Variants in KLRG2 observed in about 807,000 individuals in gnomAD.
KLRG2 encodes killer cell lectin-like receptor subfamily G member 2.
Under a neutral mutation model 35.4 loss-of-function variants are expected in KLRG2, and 39 were observed. That is an observed-to-expected ratio of 1.10 (90% CI 0.85 to 1.44). The LOEUF is 1.44. KLRG2 is among the 40% of genes most tolerant of loss of function. KLRG2 has a pLI of 0.00. For missense variants in KLRG2, 632 were observed against 570.9 expected, an observed-to-expected ratio of 1.11 and a Z score of -1.09; for synonymous variants, 283 against 265.8, an observed-to-expected ratio of 1.06 and a Z score of -0.63.
intron 2 of KLRG2, 91 bp from the exon 3 acceptor site, chr7:139,479,863 C>A: frequency 7.1e-7 from 1 of 1,408,566 alleles, no homozygotes; most frequent in Non-Finnish European, 9.6e-7. Context: ...GGGCATGGAA[C>A]TGGCAAACCT....
rs1468288138 is a variant in KLRG2 at position 139,479,780 on chromosome 7, C to T, written c.860-8G>A. On this transcript the variant is annotated splice_region_variant and splice_polypyrimidine_tract_variant and intron_variant, in intron 2 of 4. Transcript: ENST00000340940. ...ACTGCTGGCATCTGGCTCCTGCAAGCACAGAGACTGCTGGTGAGCTGCAGG... is the reference window on the plus strand; with the variant it reads ...ACTGCTGGCATCTGGCTCCTGCAAGTACAGAGACTGCTGGTGAGCTGCAGG... 1 of 1,612,326 alleles carries T rather than the reference C, an allele frequency of 6.2e-7. No homozygotes were observed. The highest frequency in any genetic ancestry group is 8.5e-7 in the Non-Finnish European group (1 of 1,179,168).
chr7:139,430,721 T>C, the KLRG2 span, among the ~76,000 whole-genome samples: 4 of 151,962 alleles, frequency 2.6e-5, no homozygotes, highest in African/African-American at 9.7e-5. Flanking sequence ...AGAAAGCAGA[T>C]AAACAGGCCA....
chr7:139,468,960 GCACAGGATTGCCATGTGAGGA>G (rs1796712801), intron 3 of KLRG2, among the ~76,000 whole-genome samples: 1 of 152,166 alleles, frequency 6.6e-6, no homozygotes, highest in South Asian at 2.1e-4. Flanking sequence ...AGATGGGAGG[GCACAGGATTGCCATGTGAGGA>G]CACAGGGAGA....
the KLRG2 span, among the ~76,000 whole-genome samples, chr7:139,439,642 C>A: frequency 6.6e-6 from 1 of 152,252 alleles, no homozygotes; most frequent in Non-Finnish European, 1.5e-5. Flanking sequence ...TTCCCTGCTT[C>A]CTCCCCAATT....
the KLRG2 span, among the ~76,000 whole-genome samples, chr7:139,440,322 GT>G: frequency 8.0e-6 from 1 of 125,202 alleles, no homozygotes; most frequent in Non-Finnish European, 1.6e-5. Context: ...ATCTCCCTAT[GT>G]TGCCCAGGCT....
In KLRG2 at chr7:139,462,008, C is replaced by T. The variant is rs143608273; in HGVS notation, c.1006-7794G>A. ...AAATTGGATAAGCGGCCTCTTTTTA[C>T]GCTTTTCTCCAACCTCTCTCACTAT... is the stretch of plus-strand genomic sequence containing the variant. On this transcript the variant is annotated intron_variant, in intron 3 of 4. Coordinates refer to ENST00000340940, the MANE Select transcript of KLRG2 (RefSeq NM_198508.4). 2.5e-3 allele frequency among the ~76,000 whole-genome samples: 383 copies of T among 152,310 alleles called. 1 individual carries two copies. Among genetic ancestry groups the T allele is most frequent in the African/African-American group, 8.5e-3 (355 of 41,566 alleles).
At position 139,480,222 on chromosome 7, in the gene KLRG2, C is replaced by T. The variant is rs754933783; in HGVS notation, c.783G>A (p.Leu261=). Reference sequence around the variant, plus strand: ...CAGCCATGAACGCCAGGGCCCAGTACAGGGACTTCACGTACATGGGTAGCC... The same window carrying T: ...CAGCCATGAACGCCAGGGCCCAGTATAGGGACTTCACGTACATGGGTAGCC... ...LTGLPMYVKS[L]YWALAFMAVL... The change falls in exon 2 of 5, where the codon CTG becomes CTA. Residue 261 remains leucine, a synonymous_variant. Transcript: ENST00000340940. The T allele has an allele frequency of 1.1e-5, 17 of 1,612,366 alleles. No individual in the cohort carries two copies. The South Asian group carries it at 1.8e-4, about 17-fold the overall frequency.
At chr7:139,438,940 C>T in the KLRG2 span, among the ~76,000 whole-genome samples, 4 of 138,580 alleles carry the variant, frequency 2.9e-5, no homozygotes, top group East Asian at 2.6e-4. Context: ...CACCCCGCCC[C>T]GCCTCGGCCT....
chr7:139,448,324 C>T (rs2116411748), downstream of KLRG2, among the ~76,000 whole-genome samples: 1 of 152,256 alleles, frequency 6.6e-6, no homozygotes, highest in African/African-American at 2.4e-5. Context: ...AAAACCTCCT[C>T]TTTGTTCTTT....
intron 3 of KLRG2, among the ~76,000 whole-genome samples, chr7:139,454,838 AATAATAATAATAAT>A (rs950703098): frequency 2.9e-4 from 23 of 78,380 alleles, no homozygotes; most frequent in South Asian, 1.5e-3. Context: ...TAATAATAAT[AATAATAATAATAAT>A]AATAATAATA....
intron 3 of KLRG2, among the ~76,000 whole-genome samples, chr7:139,472,432 AG>A (rs1796773184): frequency 6.6e-6 from 1 of 152,072 alleles, no homozygotes; most frequent in Non-Finnish European, 1.5e-5. Flanking sequence ...AAAAATAGAA[AG>A]AAAAAAGGAC....
At chr7:139,445,797 G>GTGTATATATATATATATATA in the KLRG2 span, among the ~76,000 whole-genome samples, 1 of 99,040 alleles carries the variant, frequency 1.0e-5, no homozygotes, top group African/African-American at 7.6e-5. Flanking sequence ...ATATATGTGT[G>GTGTATATATATATATATATA]TATATATATA....
chr7:139,443,881 A>G, the KLRG2 span, among the ~76,000 whole-genome samples: 3 of 152,188 alleles, frequency 2.0e-5, no homozygotes, highest in Non-Finnish European at 4.4e-5. Flanking sequence ...GCTGTCTGCA[A>G]ACTGAGGAGC....
intron 3 of KLRG2, among the ~76,000 whole-genome samples, chr7:139,457,384 A>T (rs1796495454): frequency 6.6e-6 from 1 of 152,166 alleles, no homozygotes; most frequent in Non-Finnish European, 1.5e-5. Context: ...GCTGAGATGG[A>T]GCCAGGCTAC....
the KLRG2 span, among the ~76,000 whole-genome samples, chr7:139,430,818 G>A: frequency 6.6e-6 from 1 of 152,044 alleles, no homozygotes; most frequent in South Asian, 2.1e-4. Flanking sequence ...AAACCAGCCT[G>A]GCCAACATGG....
Position 139,483,016 on chromosome 7 carries a change from G to T in KLRG2, c.627C>A (p.Ser209Arg), listed in dbSNP as rs769545369. The T allele has an allele frequency of 7.3e-7, 1 of 1,370,828 alleles. No homozygotes were observed. Among genetic ancestry groups the T allele is most frequent in the East Asian group, 3.1e-5 (1 of 32,408 alleles). 84.9% of individuals were successfully genotyped at this position (1,370,828 alleles called of 1,614,324 possible). Residue 209 changes from serine to arginine, a missense_variant, in exon 1 of 5, where the codon AGC becomes AGA. Coordinates refer to ENST00000340940, the MANE Select transcript of KLRG2 (RefSeq NM_198508.4). ...AEGRASPAEG[S>R]AGSPGSPTCC... ...ACGTGGGGGAGCCCGGGGAGCCGGCGCTTCCTTCCGCGGGGCTGGCCCGGC... is the reference window on the plus strand; with the variant it reads ...ACGTGGGGGAGCCCGGGGAGCCGGCTCTTCCTTCCGCGGGGCTGGCCCGGC...
the KLRG2 span, among the ~76,000 whole-genome samples, chr7:139,428,994 G>A: frequency 6.6e-6 from 1 of 152,138 alleles, no homozygotes; most frequent in African/African-American, 2.4e-5. Context: ...ACAAAGTTAG[G>A]GGGAGGAACT....
intron 3 of KLRG2, among the ~76,000 whole-genome samples, chr7:139,455,822 G>GA (rs1029098988): frequency 2.6e-5 from 4 of 151,888 alleles, no homozygotes; most frequent in African/African-American, 7.3e-5. Flanking sequence ...AATATAAAGG[G>GA]AAAAAAATGA....
chr7:139,435,353 G>A, the KLRG2 span, among the ~76,000 whole-genome samples: 3 of 152,126 alleles, frequency 2.0e-5, no homozygotes, highest in Admixed American at 6.5e-5. Context: ...TAGCCGGCAT[G>A]GTGGCAGGCA....
Sources: gnomAD v4.1 joint callset for allele counts (sites outside exome capture counted in the v4.1 genomes callset) on GRCh38, gnomAD v4.1.1 for gene constraint, MANE v1.5 for transcripts, NCBI Gene and HGNC (gene_info 2026-07-23, HGNC 2026-07-21) for gene names.